The following SSUH2 variants were observed in gnomAD, a reference collection of about 807,000 sequenced individuals.
The protein encoded by SSUH2 is protein SSUH2 homolog.
In SSUH2, 47 loss-of-function variants were observed where a neutral mutation model predicts 55.3. The observed-to-expected ratio is 0.85, with a 90% CI of 0.67 to 1.08. The LOEUF is 1.08. Ranked by LOEUF, SSUH2 falls within the 50% of genes least tolerant of loss-of-function variation. The pLI is 0.00. For synonymous variants in SSUH2, 212 were observed against 191.5 expected, an observed-to-expected ratio of 1.11 and a Z score of -0.89; for missense variants, 535 against 490.7, an observed-to-expected ratio of 1.09 and a Z score of -0.85.
chr3:8,633,974 C>G (rs753962215), intron 3 of SSUH2, 179 bp from the exon 4 acceptor site: 1 of 1,608,936 alleles, frequency 6.2e-7, no homozygotes, highest in Non-Finnish European at 8.5e-7. Context: ...GGGTGCCCAG[C>G]GTGAGAACGG....
chr3:8,653,010 G>T (rs980653461), intron 7 of SSUH2, among the ~76,000 whole-genome samples: 1 of 152,168 alleles, frequency 6.6e-6, no homozygotes, highest in African/African-American at 2.4e-5. Flanking sequence ...CTCTGCCATT[G>T]TACCTGGCTT....
chr3:8,681,187 C>CGAT (rs1705919132), intron 1 of SSUH2, among the ~76,000 whole-genome samples: 3 of 130,454 alleles, frequency 2.3e-5, no homozygotes, highest in Non-Finnish European at 5.1e-5. Context: ...CCATGCAAGG[C>CGAT]GGGGAATGAG....
At chr3:8,633,516 G>A in intron 4 of SSUH2, 150 bp downstream of exon 4, 1 of 550,578 alleles carries the variant, frequency 1.8e-6, no homozygotes, top group Non-Finnish European at 3.0e-6. Flanking sequence ...GTTGCAGATG[G>A]GATTCAACAT....
chr3:8,626,616 T>C (rs998697089), intron 8 of SSUH2, among the ~76,000 whole-genome samples: 1 of 145,928 alleles, frequency 6.9e-6, no homozygotes, highest in Non-Finnish European at 1.5e-5. Flanking sequence ...TCCATGTCCC[T>C]GGTCTCAGTG....
chr3:8,626,735 C>G (rs934327848), intron 8 of SSUH2, among the ~76,000 whole-genome samples: 1 of 152,122 alleles, frequency 6.6e-6, no homozygotes, highest in Non-Finnish European at 1.5e-5. Context: ...GATTAGTAAG[C>G]TTGGAGCTAC....
At chr3:8,634,933 T>C (rs1350167133) in intron 3 of SSUH2, among the ~76,000 whole-genome samples, 1 of 152,184 alleles carries the variant, frequency 6.6e-6, no homozygotes, top group Non-Finnish European at 1.5e-5. Context: ...GCCCACATAG[T>C]CTCTGTCTCA....
intron 11 of SSUH2, among the ~76,000 whole-genome samples, chr3:8,621,062 C>CTGTTT (rs1696330930): frequency 6.6e-6 from 1 of 152,204 alleles, no homozygotes; most frequent in Non-Finnish European, 1.5e-5. Context: ...GCTTCTGGTG[C>CTGTTT]TGTTTTGTTA....
rs145642860 is a variant in SSUH2, at chr3:8,627,715, C to A, written c.657G>T (p.Ala219=). 2 of 1,605,436 alleles carry A rather than the reference C, an allele frequency of 1.2e-6. No individual in the cohort carries two copies. The highest frequency in any genetic ancestry group is 1.7e-6 in the Non-Finnish European group (2 of 1,175,852). The part of the protein sequence containing the change: ...AKQSRRCQLC[A]GSGRRRCSTC... ...GCCCCTACCTTCGCCTGCCGGACCCCGCGCACAGCTGACATCTCCGGGACT... is the reference window on the plus strand; with the variant it reads ...GCCCCTACCTTCGCCTGCCGGACCCAGCGCACAGCTGACATCTCCGGGACT... Residue 219 remains alanine (A), a synonymous_variant, in exon 8 of 12, where the codon GCG becomes GCT. Coordinates refer to ENST00000544814, the MANE Select transcript of SSUH2 (RefSeq NM_001256748.3).
At chr3:8,655,920 T>C (rs1702893435) in intron 7 of SSUH2, among the ~76,000 whole-genome samples, 1 of 152,220 alleles carries the variant, frequency 6.6e-6, no homozygotes, top group Non-Finnish European at 1.5e-5. Context: ...TCTCCACTTT[T>C]TTTTTCTTCT....
chr3:8,664,258 C>A (rs547539209), intron 5 of SSUH2, among the ~76,000 whole-genome samples: 1 of 152,356 alleles, frequency 6.6e-6, no homozygotes, highest in South Asian at 2.1e-4. Context: ...GTGTTCTTCT[C>A]AGCAACTTCA....
rs547576602 is a variant in SSUH2 at position 8,635,363 on chromosome 3, G to A, written c.146C>T (p.Pro49Leu). 1.3e-6 allele frequency: 2 copies of A among 1,535,972 alleles called. No homozygotes were observed. The highest frequency in any genetic ancestry group is 1.7e-6 in the Non-Finnish European group (2 of 1,146,796). The change falls in exon 3 of 12, where the codon CCA becomes CTA. Residue 49 changes from proline to leucine, a missense_variant. Pro to Leu is a moderately conservative substitution (Grantham distance 98). Coordinates refer to ENST00000544814, the MANE Select transcript of SSUH2 (RefSeq NM_001256748.3). ...GGGCCTCCCTGGGGCCTCCAAAGGT[G>A]GGAAGAATATCTGTCCTCCTGGAGA... is the stretch of plus-strand genomic sequence containing the variant. Reference protein sequence around the residue: ...LQGGRGQIFFPPLEAPGRPQE... With the variant: ...LQGGRGQIFFLPLEAPGRPQE...
intron 11 of SSUH2, among the ~76,000 whole-genome samples, chr3:8,621,510 C>T (rs1475052324): frequency 6.6e-6 from 1 of 152,078 alleles, no homozygotes; most frequent in Admixed American, 6.6e-5. Context: ...AGAGGAGAGG[C>T]CAGGGGGCAG....
In SSUH2 at chr3:8,635,767, TGAA is replaced by T; in HGVS notation, c.116_118del (p.Leu39del). The T allele has an allele frequency of 6.5e-7, 1 of 1,535,494 alleles. No individual in the cohort carries two copies. The highest frequency in any genetic ancestry group is 8.7e-7 in the Non-Finnish European group (1 of 1,146,632). On this transcript the variant is annotated inframe_deletion, in exon 2 of 12. Transcript: ENST00000544814. Reference sequence around the variant, plus strand: ...GCCCTCTTGGAACTTACTGCCCCCTTGAAGAAGCCAGTCATAGCTGGGCAGTCT... The same window carrying T: ...GCCCTCTTGGAACTTACTGCCCCCTTGAAGCCAGTCATAGCTGGGCAGTCT...
At chr3:8,635,203 C>G (rs1699716443) in intron 3 of SSUH2, 97 bp downstream of exon 3, 1 of 1,071,630 alleles carries the variant, frequency 9.3e-7, no homozygotes, top group Admixed American at 2.4e-5. Flanking sequence ...AGACGGCCCC[C>G]TCCAGGGATC....
chr3:8,624,928 C>T (rs1007309167), intron 10 of SSUH2, among the ~76,000 whole-genome samples: 35 of 152,152 alleles, frequency 2.3e-4, no homozygotes, highest in African/African-American at 8.4e-4. Context: ...AAGGTCCACT[C>T]CCCAATTGCC....
chr3:8,676,758 C>CT (rs1273204887), intron 3 of SSUH2, among the ~76,000 whole-genome samples: 1 of 148,364 alleles, frequency 6.7e-6, no homozygotes, highest in Non-Finnish European at 1.5e-5. Flanking sequence ...CCCCTCTTCC[C>CT]ACCTGGATCT....
chr3:8,655,750 C>T (rs1359172074), intron 7 of SSUH2, among the ~76,000 whole-genome samples: 5 of 152,202 alleles, frequency 3.3e-5, no homozygotes, highest in Admixed American at 2.6e-4. Flanking sequence ...TTGTTCAGAG[C>T]CAATCAGAAA....
intron 7 of SSUH2, among the ~76,000 whole-genome samples, chr3:8,628,796 G>A (rs1275165099): frequency 6.6e-6 from 1 of 152,204 alleles, no homozygotes; most frequent in African/African-American, 2.4e-5. Flanking sequence ...CCCACACCTT[G>A]ATTTTGGAAT....
At chr3:8,654,848 C>T (rs1702780149) in intron 7 of SSUH2, among the ~76,000 whole-genome samples, 1 of 151,616 alleles carries the variant, frequency 6.6e-6, no homozygotes, top group South Asian at 2.1e-4. Flanking sequence ...CAGTGTGTGG[C>T]CTCCCCCAGA....
Sources: allele counts gnomAD v4.1 joint callset (sites outside exome capture counted in the v4.1 genomes callset), GRCh38; gene constraint gnomAD v4.1.1; transcripts MANE v1.5; gene names NCBI Gene and HGNC (gene_info 2026-07-23, HGNC 2026-07-21).